NRG1: variants seen among roughly 807,000 people sequenced by gnomAD.
NRG1 encodes neuregulin 1, also known as pro-neuregulin-1, membrane-bound isoform.
A neutral mutation model predicts 63.8 loss-of-function variants in NRG1; 18 were observed. That is an observed-to-expected ratio of 0.28 (90% CI 0.19 to 0.42). The LOEUF (loss-of-function observed/expected upper bound fraction) is 0.42, where lower values mean the gene tolerates loss of function less well. NRG1 is among the 10% of genes least tolerant of loss of function. The pLI, the probability that NRG1 is intolerant of heterozygous loss-of-function variation, is 1.00. For synonymous variants in NRG1, 302 were observed against 301.3 expected (o/e 1.00, Z -0.02); for missense variants, 762 against 814.7 (o/e 0.94, Z 0.79).
At chr8:31,656,296 T>A (rs966549467) in intron 1 of NRG1, among the ~76,000 whole-genome samples, 7 of 152,174 alleles carry the variant, frequency 4.6e-5, no homozygotes, top group Non-Finnish European at 1.0e-4. Flanking sequence ...CCCTCGAACA[T>A]CCTGATGGAA....
At chr8:31,946,454 A>T (rs1481895076) in intron 1 of NRG1, among the ~76,000 whole-genome samples, 1 of 152,264 alleles carries the variant, frequency 6.6e-6, no homozygotes, top group Non-Finnish European at 1.5e-5. Context: ...CCAAAAAGAT[A>T]GAAAGAAGTT....
chr8:32,068,483 T>G (rs931851013), intron 1 of NRG1, among the ~76,000 whole-genome samples: 4 of 152,146 alleles, frequency 2.6e-5, no homozygotes, highest in African/African-American at 9.7e-5. Flanking sequence ...GCCACGGGGC[T>G]GTTTCTGGGC....
intron 1 of NRG1, among the ~76,000 whole-genome samples, chr8:32,097,110 G>A (rs1251290518): frequency 2.0e-5 from 3 of 152,094 alleles, no homozygotes; most frequent in Non-Finnish European, 4.4e-5. Context: ...GTGCTTTTGT[G>A]TCAGGCTTAT....
chr8:32,498,817 A>G (rs941108134), intron 1 of NRG1, among the ~76,000 whole-genome samples: 2 of 152,204 alleles, frequency 1.3e-5, no homozygotes, highest in African/African-American at 4.8e-5. Context: ...CCTATCTCAA[A>G]GAGAAATTTT....
At chr8:32,735,999 C>T (rs1824957539) in intron 6 of NRG1, among the ~76,000 whole-genome samples, 2 of 150,000 alleles carry the variant, frequency 1.3e-5, no homozygotes, top group South Asian at 4.2e-4. Flanking sequence ...AACTAGTCCC[C>T]AGATTGTCAT....
intron 1 of NRG1, among the ~76,000 whole-genome samples, chr8:31,963,761 T>C (rs573086139): frequency 1.2e-4 from 19 of 152,262 alleles, no homozygotes; most frequent in African/African-American, 4.3e-4. Context: ...GACCATCAAA[T>C]ACGATAAAAT....
At chr8:32,587,783 T>A (rs549866151) in intron 1 of NRG1, among the ~76,000 whole-genome samples, 1 of 152,144 alleles carries the variant, frequency 6.6e-6, no homozygotes, top group Non-Finnish European at 1.5e-5. Flanking sequence ...AATGGACACA[T>A]ACACAGTCAG....
intron 1 of NRG1, among the ~76,000 whole-genome samples, chr8:31,839,222 A>G (rs554858162): frequency 6.6e-6 from 1 of 152,254 alleles, no homozygotes; most frequent in South Asian, 2.1e-4. Flanking sequence ...CTTGTTCACT[A>G]TTCGTTGCCC....
At chr8:32,135,981 AAG>A (rs1835463636) in intron 1 of NRG1, among the ~76,000 whole-genome samples, 2 of 50,270 alleles carry the variant, frequency 4.0e-5, no homozygotes, top group Non-Finnish European at 1.4e-4. Flanking sequence ...TGAAAAAGAG[AAG>A]GTTGACAGTC....
At chr8:32,687,600 A>G (rs1054350078) in intron 5 of NRG1, among the ~76,000 whole-genome samples, 1 of 152,170 alleles carries the variant, frequency 6.6e-6, no homozygotes, top group Non-Finnish European at 1.5e-5. Context: ...GGGACCCTCT[A>G]GTTGCCTGGG....
intron 1 of NRG1, among the ~76,000 whole-genome samples, chr8:32,321,478 C>T (rs1801373519): frequency 1.4e-5 from 2 of 145,888 alleles, no homozygotes; most frequent in Admixed American, 1.4e-4. Flanking sequence ...TGTTTACCAC[C>T]TGTAAAAAAA....
At chr8:32,730,737 T>C (rs1234632262) in intron 6 of NRG1, among the ~76,000 whole-genome samples, 1 of 152,116 alleles carries the variant, frequency 6.6e-6, no homozygotes, top group African/African-American at 2.4e-5. Context: ...GTTTGTAAGG[T>C]TTTCTCTGAT....
At chr8:32,442,526 G>A (rs907067030) in intron 1 of NRG1, 2 of 152,190 alleles carry the variant, frequency 1.3e-5, no homozygotes, top group Non-Finnish European at 2.9e-5. Context: ...GGAAGGAAAG[G>A]CTTGCAAGAG....
chr8:32,559,832 A>T (rs1359426935), intron 1 of NRG1, among the ~76,000 whole-genome samples: 1 of 143,856 alleles, frequency 7.0e-6, no homozygotes, highest in African/African-American at 2.5e-5. Flanking sequence ...CTGTCTCTAC[A>T]AAAAAATACA....
intron 1 of NRG1, among the ~76,000 whole-genome samples, chr8:32,074,102 CATA>C (rs1274020743): frequency 6.6e-6 from 1 of 152,116 alleles, no homozygotes; most frequent in East Asian, 1.9e-4. Flanking sequence ...CAGTTATTAA[CATA>C]ACTTTTTCAA....
intron 1 of NRG1, among the ~76,000 whole-genome samples, chr8:32,435,220 T>C (rs1818633040): frequency 6.6e-6 from 1 of 152,178 alleles, no homozygotes; most frequent in African/African-American, 2.4e-5. Context: ...ATCTGGAAGC[T>C]ATCATCATGG....
At chr8:32,552,895 GCACTGTGCTGGA>G (rs1246307365) in intron 1 of NRG1, among the ~76,000 whole-genome samples, 3 of 152,238 alleles carry the variant, frequency 2.0e-5, no homozygotes, top group Non-Finnish European at 1.5e-5. Flanking sequence ...TACATGCCAG[GCACTGTGCTGGA>G]CACTTTTATG....
intron 1 of NRG1, among the ~76,000 whole-genome samples, chr8:31,974,341 T>C (rs1276005916): frequency 2.0e-5 from 3 of 152,086 alleles, no homozygotes; most frequent in Admixed American, 2.0e-4. Flanking sequence ...TTTTTTTCTT[T>C]AAATTTTCTG....
intron 5 of NRG1, among the ~76,000 whole-genome samples, chr8:32,674,882 C>A (rs569079482): frequency 6.6e-6 from 1 of 152,216 alleles, no homozygotes; most frequent in Non-Finnish European, 1.5e-5. Context: ...TTTGGTTGAG[C>A]CCAAGTCTCC....
Sources: allele counts gnomAD v4.1 joint callset (sites outside exome capture counted in the v4.1 genomes callset), GRCh38; gene constraint gnomAD v4.1.1; transcripts MANE v1.5; gene names NCBI Gene and HGNC (gene_info 2026-07-23, HGNC 2026-07-21).